The following SKA2 variants were observed in gnomAD, a reference collection of about 807,000 sequenced individuals.
The protein encoded by SKA2 is spindle and kinetochore associated complex subunit 2, also known as spindle and kinetochore-associated protein 2.
SKA2 carries 13 observed loss-of-function variants against 16.9 expected under a neutral mutation model. The ratio of observed to expected loss-of-function variants is 0.77; its 90% confidence interval spans 0.50 to 1.22. The LOEUF (loss-of-function observed/expected upper bound fraction) is 1.22. Among genes scored for constraint, SKA2 ranks in the 50% most tolerant of loss-of-function variants. The pLI, the probability that SKA2 is intolerant of heterozygous loss-of-function variation, is 0.00. For missense variants in SKA2, 107 were observed against 139.7 expected (o/e 0.77, Z 1.18); for synonymous variants, 47 against 48.5 (o/e 0.97, Z 0.13).
intron 2 of SKA2, among the ~76,000 whole-genome samples, chr17:59,124,867 G>A (rs2046360250): frequency 6.6e-6 from 1 of 152,126 alleles, no homozygotes; most frequent in African/African-American, 2.4e-5. Context: ...GCCTGTTTAT[G>A]ACAGGTTAGG....
chr17:59,139,636 C>A (rs1315559885), intron 1 of SKA2, among the ~76,000 whole-genome samples: 1 of 152,056 alleles, frequency 6.6e-6, no homozygotes, highest in Non-Finnish European at 1.5e-5. Flanking sequence ...AGGTGTCAGC[C>A]ACTGCACCCG....
chr17:59,144,896 A>G (rs1258797288), intron 1 of SKA2, among the ~76,000 whole-genome samples: 2 of 152,166 alleles, frequency 1.3e-5, no homozygotes, highest in Non-Finnish European at 2.9e-5. Context: ...TCCCGGGTTC[A>G]AGCAATTCTC....
chr17:59,122,040 G>A (rs1490588721), intron 2 of SKA2, among the ~76,000 whole-genome samples: 1 of 151,904 alleles, frequency 6.6e-6, no homozygotes, highest in African/African-American at 2.4e-5. Flanking sequence ...GATGGGAGCA[G>A]GATAGAGACA....
At position 59,137,759 on chromosome 17, in the gene SKA2, C is replaced by A. The variant is rs537383171; in HGVS notation, c.34-6392G>T. 9.5e-6 allele frequency: 5 copies of A among 524,402 alleles called. No homozygotes were observed. The Admixed American group carries it at 1.0e-4, about 11-fold the overall frequency. The allele number at this position is 524,402 out of a possible 1,614,324, so 32.5% of individuals were successfully genotyped here. A position where few individuals can be genotyped will look rare whatever the true frequency, so the allele number is the denominator to read the frequency against. On this transcript the variant is annotated intron_variant, in intron 1 of 3. Coordinates refer to ENST00000330137, the MANE Select transcript of SKA2 (RefSeq NM_182620.4). Reference sequence around the variant, plus strand: ...GTTTCTGCTACATACTTTCTGCAGCCTGCCCATTGTTCTTTCCAAACACCA... The same window carrying A: ...GTTTCTGCTACATACTTTCTGCAGCATGCCCATTGTTCTTTCCAAACACCA...
chr17:59,131,156 T>G, intron 2 of SKA2, 125 bp downstream of exon 2: 1 of 635,950 alleles, frequency 1.6e-6, no homozygotes, highest in East Asian at 2.9e-5. Context: ...AATGCAAGAT[T>G]TTAAGATTCT....
chr17:59,145,948 C>A (rs1253941833), intron 1 of SKA2, among the ~76,000 whole-genome samples: 1 of 151,354 alleles, frequency 6.6e-6, no homozygotes, highest in Non-Finnish European at 1.5e-5. Context: ...TGTGATTGAG[C>A]CACTGCACAC....
chr17:59,116,053 C>G (rs1488194563), intron 3 of SKA2, among the ~76,000 whole-genome samples: 26 of 151,672 alleles, frequency 1.7e-4, no homozygotes, highest in South Asian at 2.1e-4. Context: ...ATGAGATCAC[C>G]TTTATAATTG....
At chr17:59,151,021 C>A in intron 1 of SKA2, 1 of 348,590 alleles carries the variant, frequency 2.9e-6, no homozygotes, top group South Asian at 2.1e-5. Context: ...TTATGACTTT[C>A]TAAAAGATAT....
intron 1 of SKA2, among the ~76,000 whole-genome samples, chr17:59,149,798 T>C (rs1273310701): frequency 1.3e-5 from 2 of 152,170 alleles, no homozygotes; most frequent in Admixed American, 1.3e-4. Context: ...AAAGACTGTA[T>C]AATGTATGAT....
intron 1 of SKA2, among the ~76,000 whole-genome samples, chr17:59,138,659 C>T (rs1421139023): frequency 6.6e-6 from 1 of 151,982 alleles, no homozygotes; most frequent in Admixed American, 6.5e-5. Flanking sequence ...CTTGACCTCC[C>T]GAGCTCAAGT....
intron 3 of SKA2, among the ~76,000 whole-genome samples, chr17:59,114,714 G>A (rs1267461349): frequency 6.6e-6 from 1 of 152,166 alleles, no homozygotes; most frequent in African/African-American, 2.4e-5. Flanking sequence ...AAGAAGGGAG[G>A]CTGAAGGGAA....
intron 1 of SKA2, among the ~76,000 whole-genome samples, chr17:59,148,826 A>G (rs867803396): frequency 3.4e-4 from 51 of 148,212 alleles, no homozygotes; most frequent in East Asian, 9.7e-4. Context: ...AAAAAAAAAA[A>G]AAAAGAAAAG....
chr17:59,147,041 C>G (rs902950482), intron 1 of SKA2, among the ~76,000 whole-genome samples: 7 of 151,758 alleles, frequency 4.6e-5, no homozygotes, highest in African/African-American at 1.7e-4. Flanking sequence ...GCCTGTAACC[C>G]CAGCTACTAG....
Position 59,119,596 on chromosome 17 carries a change from A to C in SKA2, c.121-101T>G. On this transcript the variant is annotated intron_variant, in intron 2 of 3. Transcript: ENST00000330137. ...TACAACACATTCTACCATCCATTTA[A>C]TTGAACACTGTTGAGTATTTAATTA... 7 of 1,064,256 alleles carry C rather than the reference A, an allele frequency of 6.6e-6. No individual in the cohort carries two copies. In the East Asian group the frequency reaches 1.7e-4, roughly 26 times the overall value. The allele number at this position is 1,064,256 out of a possible 1,614,324, so 65.9% of individuals were successfully genotyped here.
chr17:59,140,775 T>TC (rs1158368485), intron 1 of SKA2, among the ~76,000 whole-genome samples: 13 of 124,268 alleles, frequency 1.0e-4, no homozygotes, highest in Middle Eastern at 3.8e-3. Flanking sequence ...CACACCCGCC[T>TC]AATTTTTTTT....
At chr17:59,151,844 A>T (rs1159166842) in intron 1 of SKA2, 1 of 152,290 alleles carries the variant, frequency 6.6e-6, no homozygotes, top group Non-Finnish European at 1.5e-5. Context: ...CTCTAAACAG[A>T]ACATTAACCC....
At chr17:59,139,551 T>C (rs747152004) in intron 1 of SKA2, among the ~76,000 whole-genome samples, 2 of 152,130 alleles carry the variant, frequency 1.3e-5, no homozygotes, top group Non-Finnish European at 2.9e-5. Context: ...GTGCTCACTA[T>C]GTTGCCCAGG....
chr17:59,113,153 G>A (rs1251695406), intron 3 of SKA2, among the ~76,000 whole-genome samples: 3 of 151,640 alleles, frequency 2.0e-5, no homozygotes, highest in Non-Finnish European at 4.4e-5. Context: ...AGCCTGGGAG[G>A]TCGAGACTGC....
At chr17:59,133,991 C>T (rs1471829350) in intron 1 of SKA2, among the ~76,000 whole-genome samples, 1 of 152,098 alleles carries the variant, frequency 6.6e-6, no homozygotes, top group Non-Finnish European at 1.5e-5. Context: ...AAAGTGGAAG[C>T]TTTTCATTTA....
Sources: gnomAD v4.1 joint callset for allele counts (sites outside exome capture counted in the v4.1 genomes callset) on GRCh38, gnomAD v4.1.1 for gene constraint, MANE v1.5 for transcripts, NCBI Gene and HGNC (gene_info 2026-07-23, HGNC 2026-07-21) for gene names.